CYFIP1: variants seen among roughly 807,000 people sequenced by gnomAD.
CYFIP1 encodes the protein cytoplasmic FMR1-interacting protein 1.
Under a neutral mutation model 163.5 loss-of-function variants are expected in CYFIP1, and 58 were observed. The ratio of observed to expected loss-of-function variants is 0.35; its 90% CI spans 0.29 to 0.44. The LOEUF (loss-of-function observed/expected upper bound fraction) is 0.44, where lower values mean the gene tolerates loss of function less well. Ranked by LOEUF, CYFIP1 falls within the 20% of genes least tolerant of loss-of-function variation. The pLI, the probability that CYFIP1 is intolerant of heterozygous loss-of-function variation, is 1.00. For missense variants in CYFIP1, 1,338 were observed against 1,653.8 expected (o/e 0.81, Z 3.31); for synonymous variants, 663 against 660.7 (o/e 1.00, Z -0.05).
At chr15:22,879,842 C>G in intron 26 of CYFIP1, 71 bp downstream of exon 26, 1 of 1,259,234 alleles carries the variant, frequency 7.9e-7, no homozygotes, top group South Asian at 1.3e-5. Flanking sequence ...CCAAAGAAAG[C>G]CCTCCCCTGG....
chr15:22,875,264 T>C lies in CYFIP1; in HGVS notation c.3050A>G (p.Glu1017Gly), dbSNP rs1244823586. 2 of 1,613,986 alleles carry C rather than the reference T, an allele frequency of 1.2e-6. No homozygotes were observed. The highest frequency in any genetic ancestry group is 3.3e-5 in the Admixed American group (2 of 60,006). Residue 1017 changes from glutamate (E) to glycine (G), a missense_variant, in exon 27 of 31, where the codon GAA (glutamate) becomes GGA (glycine). Transcript: ENST00000617928. ...CLLIEQSLSL[E>G]EVCDLLHAAP... Reference sequence around the variant, plus strand: ...CGCGTGCAGCAGGTCACACACTTCTTCTAAAGACTAGAGCAGAGAAAGAGA... The same window carrying C: ...CGCGTGCAGCAGGTCACACACTTCTCCTAAAGACTAGAGCAGAGAAAGAGA...
Position 22,875,284 on chromosome 15 carries a change from A to C in CYFIP1, c.3043-13T>G. The C allele has an allele frequency of 6.2e-7, 1 of 1,613,180 alleles. No individual in the cohort carries two copies. The highest frequency in any genetic ancestry group is 8.5e-7 in the Non-Finnish European group (1 of 1,179,094). On this transcript the variant is annotated splice_polypyrimidine_tract_variant and intron_variant, in intron 26 of 30. Coordinates refer to ENST00000617928, the MANE Select transcript of CYFIP1 (RefSeq NM_014608.6). ...CTTCTTCTAAAGACTAGAGCAGAGA[A>C]AGAGAGGGTCAAGCTAGGAAGGGTA...
chr15:22,957,188 C>T (rs1486014151), intron 1 of CYFIP1, among the ~76,000 whole-genome samples: 5 of 152,246 alleles, frequency 3.3e-5, no homozygotes, highest in African/African-American at 1.2e-4. Flanking sequence ...CCCAGCATTT[C>T]TAAACCAGTC....
Position 22,910,648 on chromosome 15 carries a change from GA to G in CYFIP1, c.2160-21del. ...AGCAAACTAGTGTAGAAGGAAGACA[GA>G]AAGTTTTTCATACGCCATAAATTGT... On this transcript the variant is annotated intron_variant, in intron 19 of 30. Coordinates refer to ENST00000617928, the MANE Select transcript of CYFIP1 (RefSeq NM_014608.6). The G allele has an allele frequency of 6.2e-7, 1 of 1,611,818 alleles. No individual in the cohort carries two copies. The highest frequency in any genetic ancestry group is 1.1e-5 in the South Asian group (1 of 91,018).
rs150340187 is a variant in CYFIP1, at chr15:22,938,300, G to T, written c.795+892C>A. 1.4e-4 allele frequency among the ~76,000 whole-genome samples: 21 copies of T among 152,306 alleles called. No individual in the cohort carries two copies. In the East Asian group the frequency reaches 4.0e-3, roughly 29 times the overall value. On this transcript the variant is annotated intron_variant, in intron 8 of 30. Transcript: ENST00000617928. ...TCACATGCTTGACAAGTAGAATCTT[G>T]GATAACTTCTGTCACAAAGCTGGCG... is the stretch of plus-strand genomic sequence containing the variant.
chr15:22,936,135 G>A (rs1259595393), intron 9 of CYFIP1, among the ~76,000 whole-genome samples: 2 of 152,120 alleles, frequency 1.3e-5, no homozygotes, highest in African/African-American at 4.8e-5. Context: ...AGCCAAGCAT[G>A]ATGGTAAGCA....
chr15:22,915,565 A>G (rs1393102484), intron 16 of CYFIP1, among the ~76,000 whole-genome samples: 1 of 152,130 alleles, frequency 6.6e-6, no homozygotes, highest in Non-Finnish European at 1.5e-5. Context: ...CCTGGCCAAC[A>G]TGGTAAAACC....
chr15:22,918,794 G>C lies in CYFIP1; in HGVS notation c.1424C>G (p.Ala475Gly). ...TGCGGCATAGACGGTGTGCCGGATG[G>C]CGTGGTTGAACACGCTCTCCATCCT... ...MGRMESVFNHAIRHTVYAALQ... is the reference protein window; with the variant it reads ...MGRMESVFNHGIRHTVYAALQ... Residue 475 changes from alanine (A) to glycine (G), a missense_variant, in exon 14 of 31, where the codon GCC becomes GGC. This residue lies in a region of CYFIP1 where 824 missense variants were observed against 995.7 expected (regional missense o/e 0.83). Transcript: ENST00000617928. The C allele has an allele frequency of 6.2e-7, 1 of 1,613,448 alleles. No individual in the cohort carries two copies. The highest frequency in any genetic ancestry group is 8.5e-7 in the Non-Finnish European group (1 of 1,179,634).
In CYFIP1 at chr15:22,944,562, A is replaced by C; in HGVS notation, c.383T>G (p.Phe128Cys). The C allele has an allele frequency of 1.3e-6, 2 of 1,598,088 alleles. No individual in the cohort carries two copies. Among genetic ancestry groups the C allele is most frequent in the South Asian group, 2.2e-5 (2 of 90,418 alleles). Reference sequence around the variant, plus strand: ...CCAGATTATTTGCCATTTTACCTGGAAGTACATGAAATTCATCAGTTTTGT... The same window carrying C: ...CCAGATTATTTGCCATTTTACCTGGCAGTACATGAAATTCATCAGTTTTGT... ...EVTKLMNFMYFQRNAIERFCG... is the reference protein window; with the variant it reads ...EVTKLMNFMYCQRNAIERFCG... The change falls in exon 5 of 31, where the codon TTC (phenylalanine) becomes TGC (cysteine). Residue 128 changes from phenylalanine to cysteine, a missense_variant. Physicochemically the swap from Phe to Cys is radical, Grantham distance 205. This residue lies in a region of CYFIP1 where 186 missense variants were observed against 288.3 expected (regional missense o/e 0.65). Coordinates refer to ENST00000617928, the MANE Select transcript of CYFIP1 (RefSeq NM_014608.6).
intron 5 of CYFIP1, among the ~76,000 whole-genome samples, chr15:22,943,612 CAGCAAAATTACTG>C (rs777476195): frequency 6.6e-6 from 1 of 152,148 alleles, no homozygotes; most frequent in Non-Finnish European, 1.5e-5. Context: ...CTGATTATTC[CAGCAAAATTACTG>C]AGCAAAATGC....
At chr15:22,912,892 G>A (rs1481550487) in intron 17 of CYFIP1, among the ~76,000 whole-genome samples, 2 of 152,108 alleles carry the variant, frequency 1.3e-5, no homozygotes, top group African/African-American at 4.8e-5. Flanking sequence ...CTACACTCTA[G>A]CCTGTGTGAC....
At chr15:22,930,862 T>A (rs912110292) in intron 11 of CYFIP1, among the ~76,000 whole-genome samples, 3 of 152,188 alleles carry the variant, frequency 2.0e-5, no homozygotes, top group Non-Finnish European at 4.4e-5. Context: ...AAAAGCCTTT[T>A]AAAAAATTTA....
At chr15:22,938,736 C>T (rs138484836) in intron 8 of CYFIP1, among the ~76,000 whole-genome samples, 5 of 151,738 alleles carry the variant, frequency 3.3e-5, no homozygotes, top group Non-Finnish European at 7.4e-5. Context: ...GATTCTCTCT[C>T]TACAAAAAAT....
intron 1 of CYFIP1, among the ~76,000 whole-genome samples, chr15:22,967,602 G>A (rs569406589): frequency 7.2e-5 from 11 of 152,018 alleles, no homozygotes; most frequent in East Asian, 1.9e-4. Flanking sequence ...ACCACAGCCC[G>A]CAGCTACAAC....
intron 27 of CYFIP1, 66 bp from the exon 28 acceptor site, chr15:22,874,710 A>G (rs2059533634): frequency 9.0e-7 from 1 of 1,108,326 alleles, no homozygotes; most frequent in African/African-American, 1.6e-5. Context: ...GCAAAGGTTT[A>G]CATTTGTTTA....
intron 13 of CYFIP1, among the ~76,000 whole-genome samples, chr15:22,921,369 AAAAT>A (rs111633687): frequency 0.2 from 30,020 of 148,886 alleles, 3,158 homozygotes; most frequent in African/African-American, 0.22. Flanking sequence ...CTCTGTCTCA[AAAAT>A]AAATAAATAA....
Position 22,909,270 on chromosome 15 carries a change from C to T in CYFIP1, c.2312G>A (p.Arg771His), listed in dbSNP as rs753624175. The change falls in exon 21 of 31, where the codon CGC becomes CAC. Residue 771 changes from arginine to histidine, a missense_variant. By Grantham distance (29) the Arg-to-His change is conservative (BLOSUM62 0). Coordinates refer to ENST00000617928, the MANE Select transcript of CYFIP1 (RefSeq NM_014608.6). ...SIDLNRLITQ[R>H]VSAAMYKSLE... ...GGACTTATACATGGCTGCTGAGACG[C>T]GCTGGGTGATCAGACGATTGAGGTC... 15 of 1,613,998 alleles carry T rather than the reference C, an allele frequency of 9.3e-6. No individual in the cohort carries two copies. The highest frequency in any genetic ancestry group is 5.0e-5 in the Admixed American group (3 of 59,988).
intron 1 of CYFIP1, among the ~76,000 whole-genome samples, 181 bp downstream of exon 1, chr15:22,980,106 G>A (rs1185154009): frequency 6.7e-6 from 1 of 150,084 alleles, no homozygotes; most frequent in South Asian, 2.1e-4. Flanking sequence ...CCGGGACCTG[G>A]GGGACGCGGG....
At chr15:22,873,431 CCCTCCCCCACAGCT>C (rs757165586) in intron 29 of CYFIP1, 46 bp downstream of exon 29, 1 of 1,417,390 alleles carries the variant, frequency 7.1e-7, no homozygotes. Flanking sequence ...AACACGCCTC[CCCTCCCCCACAGCT>C]CCTCCCCTCC....
Sources: gnomAD v4.1 joint callset for allele counts (sites outside exome capture counted in the v4.1 genomes callset) on GRCh38, gnomAD v4.1.1 for gene constraint, gnomAD v4.1.1 regional missense constraint, MANE v1.5 for transcripts, NCBI Gene and HGNC (gene_info 2026-07-23, HGNC 2026-07-21) for gene names.